PIK3CB: variants seen among roughly 807,000 people sequenced by gnomAD.
The protein encoded by PIK3CB is phosphatidylinositol 4,5-bisphosphate 3-kinase catalytic subunit beta isoform.
PIK3CB carries 39 observed loss-of-function variants against 136.8 expected under a neutral mutation model. The observed-to-expected ratio is 0.29, with a 90% CI of 0.22 to 0.37. The LOEUF is 0.37. Ranked by LOEUF, PIK3CB falls within the 10% of genes least tolerant of loss-of-function variation. The pLI is 1.00. For missense variants in PIK3CB, 868 were observed against 1,275.4 expected, an observed-to-expected ratio of 0.68 and a Z score of 4.87; for synonymous variants, 428 against 436.6, an observed-to-expected ratio of 0.98 and a Z score of 0.25.
intron 20 of PIK3CB, among the ~76,000 whole-genome samples, chr3:138,664,337 C>A (rs2043362713): frequency 6.6e-6 from 1 of 152,180 alleles, no homozygotes. Context: ...CATGGCTTTG[C>A]TAGATCATGC....
At chr3:138,812,186 G>C (rs1933100640) in intron 1 of PIK3CB, among the ~76,000 whole-genome samples, 1 of 151,290 alleles carries the variant, frequency 6.6e-6, no homozygotes, top group African/African-American at 2.4e-5. Flanking sequence ...GTTGCCAGAG[G>C]TTAGAAAGGG....
At chr3:138,810,907 G>A (rs548673015) in intron 1 of PIK3CB, among the ~76,000 whole-genome samples, 49 of 151,404 alleles carry the variant, frequency 3.2e-4, no homozygotes, top group African/African-American at 1.0e-3. Flanking sequence ...GCGACAGAGC[G>A]AGACTCCGTC....
Position 138,652,965 on chromosome 3 carries a change from T to TG in PIK3CB, c.*2423dup, listed in dbSNP as rs1333235370. 3 of 215,606 alleles carry TG rather than the reference T, an allele frequency of 1.4e-5. No homozygotes were observed. The Admixed American group carries it at 1.7e-4, about 13-fold the overall frequency. The allele number at this position is 215,606 out of a possible 1,614,324, so 13.4% of individuals were successfully genotyped here. On this transcript the variant is annotated 3_prime_UTR_variant, in exon 24 of 24. Coordinates refer to ENST00000674063, the MANE Select transcript of PIK3CB (RefSeq NM_006219.3). Reference sequence around the variant, plus strand: ...ATGCTCCTCATCAGGGGACCACACTTGGAGAATGATTGCTATAGATTAACA... The same window carrying TG: ...ATGCTCCTCATCAGGGGACCACACTTGGGAGAATGATTGCTATAGATTAACA...
At chr3:138,722,253 C>T (rs2044743846) in intron 8 of PIK3CB, among the ~76,000 whole-genome samples, 1 of 134,070 alleles carries the variant, frequency 7.5e-6, no homozygotes, top group South Asian at 2.5e-4. Flanking sequence ...CACACACACA[C>T]ACACGTGTGT....
At chr3:138,802,316 G>A (rs1357403399) in intron 1 of PIK3CB, among the ~76,000 whole-genome samples, 1 of 151,346 alleles carries the variant, frequency 6.6e-6, no homozygotes, top group African/African-American at 2.4e-5. Flanking sequence ...GGAGGTGGAG[G>A]TTGCAGTGAG....
At chr3:138,707,126 C>A (rs1216960685) in intron 11 of PIK3CB, 33 bp downstream of exon 11, 1 of 1,218,000 alleles carries the variant, frequency 8.2e-7, no homozygotes, top group South Asian at 1.2e-5. Context: ...TCAATCATTT[C>A]ATGCATAGAG....
chr3:138,725,322 G>A (rs1426809201), intron 8 of PIK3CB, among the ~76,000 whole-genome samples: 4 of 152,208 alleles, frequency 2.6e-5, no homozygotes, highest in South Asian at 2.1e-4. Flanking sequence ...TACAGGATAT[G>A]TCTGCACTTG....
chr3:138,794,055 C>T (rs1168112123), intron 2 of PIK3CB, among the ~76,000 whole-genome samples: 1 of 152,144 alleles, frequency 6.6e-6, no homozygotes, highest in Non-Finnish European at 1.5e-5. Flanking sequence ...CTCCACCCTC[C>T]AGGTTCAAGA....
At chr3:138,686,571 T>A (rs1300945153) in intron 16 of PIK3CB, among the ~76,000 whole-genome samples, 1 of 152,200 alleles carries the variant, frequency 6.6e-6, no homozygotes, top group Non-Finnish European at 1.5e-5. Flanking sequence ...AGGAGCAGCT[T>A]ATTTTACAAG....
At chr3:138,674,307 T>G (rs1237512122) in intron 19 of PIK3CB, among the ~76,000 whole-genome samples, 2 of 152,050 alleles carry the variant, frequency 1.3e-5, no homozygotes, top group African/African-American at 4.8e-5. Context: ...AAGGCACAGT[T>G]CTGAACCACC....
At chr3:138,719,713 C>G (rs59813438) in intron 8 of PIK3CB, among the ~76,000 whole-genome samples, 3 of 152,066 alleles carry the variant, frequency 2.0e-5, no homozygotes, top group African/African-American at 7.3e-5. Flanking sequence ...ACAGCCCCAT[C>G]ATCAATGTCT....
chr3:138,673,696 T>C (rs1413048378), intron 19 of PIK3CB, among the ~76,000 whole-genome samples: 3 of 151,646 alleles, frequency 2.0e-5, no homozygotes, highest in East Asian at 3.9e-4. Context: ...CACACACACG[T>C]ACACACACAC....
chr3:138,673,896 C>T (rs1161256343), intron 19 of PIK3CB, among the ~76,000 whole-genome samples: 5 of 152,174 alleles, frequency 3.3e-5, no homozygotes, highest in Non-Finnish European at 7.3e-5. Flanking sequence ...ACAGAACTGT[C>T]ATTCTTTGGC....
intron 6 of PIK3CB, among the ~76,000 whole-genome samples, chr3:138,736,770 T>C (rs1361599642): frequency 1.3e-5 from 2 of 152,150 alleles, no homozygotes; most frequent in Admixed American, 6.5e-5. Flanking sequence ...ACCCGAATGA[T>C]TAATAAAGGC....
chr3:138,791,441 C>T (rs1458757791), intron 2 of PIK3CB, among the ~76,000 whole-genome samples: 7 of 152,156 alleles, frequency 4.6e-5, no homozygotes, highest in Non-Finnish European at 8.8e-5. Context: ...GGCGGCCTCA[C>T]AATTCTTCAG....
chr3:138,700,941 C>T (rs930372939), intron 12 of PIK3CB, among the ~76,000 whole-genome samples: 3 of 152,114 alleles, frequency 2.0e-5, no homozygotes, highest in African/African-American at 7.2e-5. Context: ...TACGCCCCCA[C>T]AAAACCTTTA....
intron 13 of PIK3CB, among the ~76,000 whole-genome samples, chr3:138,695,715 T>G (rs2108520087): frequency 6.6e-6 from 1 of 152,182 alleles, no homozygotes; most frequent in South Asian, 2.1e-4. Flanking sequence ...TTTTTAAAAT[T>G]TAATTACTCT....
In PIK3CB at chr3:138,654,812, G is replaced by C. The variant is rs1294110305; in HGVS notation, c.*577C>G. 3 of 212,772 alleles carry C rather than the reference G, an allele frequency of 1.4e-5. No homozygotes were observed. The highest frequency in any genetic ancestry group is 2.9e-5 in the Non-Finnish European group (3 of 105,146). The allele number at this position is 212,772 out of a possible 1,614,324, so 13.2% of individuals were successfully genotyped here. A position where few individuals can be genotyped will look rare whatever the true frequency, so the allele number is the denominator to read the frequency against. On this transcript the variant is annotated 3_prime_UTR_variant, in exon 24 of 24. Transcript: ENST00000674063. ...GATTTTCAGCAAGTCTGGCTGGAAT[G>C]ATGCTATCATGGAAATAAATATTAA...
intron 8 of PIK3CB, among the ~76,000 whole-genome samples, chr3:138,716,441 G>A (rs1387742694): frequency 1.3e-5 from 2 of 152,126 alleles, no homozygotes; most frequent in Non-Finnish European, 2.9e-5. Context: ...CTACCACAGT[G>A]ACAATGGTAC....
Sources: allele counts gnomAD v4.1 joint callset (sites outside exome capture counted in the v4.1 genomes callset), GRCh38; gene constraint gnomAD v4.1.1; transcripts MANE v1.5; gene names NCBI Gene and HGNC (gene_info 2026-07-23, HGNC 2026-07-21).